Variants in HIVEP2 observed in about 807,000 individuals in gnomAD.
HIVEP2 encodes the protein transcription factor HIVEP2.
In HIVEP2, 14 loss-of-function variants were observed where a neutral mutation model predicts 180.7. The observed-to-expected ratio is 0.08, with a 90% CI of 0.05 to 0.12. The LOEUF is 0.12. Among genes scored for constraint, HIVEP2 ranks in the 10% least tolerant of loss-of-function variants. The probability of loss-of-function intolerance (pLI) is 1.00; values close to 1 mark genes in which losing one functional copy is unlikely to be tolerated. For synonymous variants in HIVEP2, 1,184 were observed against 1,136.4 expected (o/e 1.04, Z -0.84); for missense variants, 2,579 against 3,008.5 (o/e 0.86, Z 3.34).
At chr6:142,761,342 G>T in intron 8 of HIVEP2, 122 bp downstream of exon 8, 2 of 583,094 alleles carry the variant, frequency 3.4e-6, no homozygotes, top group Non-Finnish European at 6.1e-6. Context: ...TCTATATTTA[G>T]TATTTAATAA....
At chr6:142,895,006 C>T (rs933976099) in intron 1 of HIVEP2, among the ~76,000 whole-genome samples, 5 of 152,166 alleles carry the variant, frequency 3.3e-5, no homozygotes, top group African/African-American at 1.2e-4. Flanking sequence ...ATTAAGTAAA[C>T]CAATTTAATT....
intron 1 of HIVEP2, among the ~76,000 whole-genome samples, chr6:142,918,711 G>T (rs182323126): frequency 6.6e-6 from 1 of 152,148 alleles, no homozygotes; most frequent in South Asian, 2.1e-4. Context: ...GAATTAACAT[G>T]TTCATGTAAT....
intron 1 of HIVEP2, among the ~76,000 whole-genome samples, chr6:142,851,255 G>A (rs1051591751): frequency 2.0e-5 from 3 of 152,202 alleles, no homozygotes; most frequent in Admixed American, 6.5e-5. Context: ...TGCTTTCACT[G>A]TGGTAAGACT....
intron 1 of HIVEP2, among the ~76,000 whole-genome samples, chr6:142,869,085 G>C (rs1776219312): frequency 1.3e-5 from 2 of 152,142 alleles, no homozygotes; most frequent in South Asian, 4.1e-4. Context: ...GTCACAACTG[G>C]GGAGAAGGAA....
chr6:142,900,246 A>T (rs922134053), intron 1 of HIVEP2, among the ~76,000 whole-genome samples: 3 of 152,206 alleles, frequency 2.0e-5, no homozygotes, highest in Non-Finnish European at 4.4e-5. Context: ...TCACTTTTGA[A>T]TGAAGAAACT....
intron 1 of HIVEP2, among the ~76,000 whole-genome samples, chr6:142,868,697 A>G (rs1776209082): frequency 6.6e-6 from 1 of 152,226 alleles, no homozygotes; most frequent in Non-Finnish European, 1.5e-5. Flanking sequence ...CCAGATCATT[A>G]TTATAAATTA....
intron 2 of HIVEP2, among the ~76,000 whole-genome samples, chr6:142,784,526 A>G (rs1220489287): frequency 6.6e-6 from 1 of 152,160 alleles, no homozygotes; most frequent in Non-Finnish European, 1.5e-5. Context: ...GACATGAATC[A>G]TTATAAGCAA....
chr6:142,753,874 C>T lies in HIVEP2; in HGVS notation c.6574G>A (p.Gly2192Ser). ...PYFSLYGDQEGAYEHPGSSLF... is the reference protein window; with the variant it reads ...PYFSLYGDQESAYEHPGSSLF... ...CTGGAGCCTGGATGTTCATAAGCAC[C>T]TTCTTGGTCTCCATAGAGACTGAAG... Residue 2192 changes from glycine (G) to serine (S), a missense_variant, in exon 10 of 10, where the codon GGT (glycine) becomes AGT (serine). Physicochemically the swap from Gly to Ser is moderately conservative, Grantham distance 56. Around this residue, in one of 11 missense-constraint regions of HIVEP2, gnomAD observed 660 missense variants for 731.7 expected, o/e 0.90. Coordinates refer to ENST00000367603, the MANE Select transcript of HIVEP2 (RefSeq NM_006734.4). 2 of 1,613,556 alleles carry T rather than the reference C, an allele frequency of 1.2e-6. No individual in the cohort carries two copies. Among genetic ancestry groups the T allele is most frequent in the Non-Finnish European group, 8.5e-7 (1 of 1,179,484 alleles).
At chr6:142,928,934 T>C (rs1192746904) in intron 1 of HIVEP2, among the ~76,000 whole-genome samples, 1 of 152,230 alleles carries the variant, frequency 6.6e-6, no homozygotes, top group Admixed American at 6.5e-5. Flanking sequence ...CTTTATTTAC[T>C]TGGCTTCCCA....
At chr6:142,842,280 T>C (rs192833431) in intron 1 of HIVEP2, among the ~76,000 whole-genome samples, 258 of 152,322 alleles carry the variant, frequency 1.7e-3, no homozygotes, top group Admixed American at 3.2e-3. Flanking sequence ...TAAAATATGT[T>C]AAACCTAAGT....
chr6:142,773,184 A>G lies in HIVEP2; in HGVS notation c.1555T>C (p.Tyr519His), dbSNP rs374040870. ...TTGCTGCCTTGGAAGTTTGCTGGAT[A>G]AAGTTTTCCTTCGTTCCTGATAGAT... ...PSSIRNEGKL[Y>H]PANFQGSNPV... The change falls in exon 5 of 10, where the codon TAT becomes CAT. Residue 519 changes from tyrosine (Y) to histidine (H), a missense_variant. Physicochemically the swap from Tyr to His is moderately conservative, Grantham distance 83 (BLOSUM62 2). Transcript: ENST00000367603. 32 of 1,614,084 alleles carry G rather than the reference A, an allele frequency of 2.0e-5. No individual in the cohort carries two copies. The highest frequency in any genetic ancestry group is 2.7e-5 in the Non-Finnish European group (32 of 1,180,026).
chr6:142,755,804 C>T (rs2114593179), intron 9 of HIVEP2, among the ~76,000 whole-genome samples: 1 of 152,328 alleles, frequency 6.6e-6, no homozygotes, highest in African/African-American at 2.4e-5. Context: ...AACCACAGAG[C>T]TACGTGTACA....
chr6:142,855,033 T>C (rs1775782307), intron 1 of HIVEP2, among the ~76,000 whole-genome samples: 1 of 152,218 alleles, frequency 6.6e-6, no homozygotes, highest in African/African-American at 2.4e-5. Flanking sequence ...CATCTGCAAC[T>C]TCACTTTCAG....
rs1034151008 is a variant in HIVEP2 at position 142,783,532 on chromosome 6, A to C, written c.-444T>G. On this transcript the variant is annotated 5_prime_UTR_variant, in exon 3 of 10. An upstream start codon of the reference 5' UTR is lost. Coordinates refer to ENST00000367603, the MANE Select transcript of HIVEP2 (RefSeq NM_006734.4). ...TTTTAGTTATTAACCTGTTATCCTC[A>C]TATCAAAAAACTGCATCACAACCGT... 6.6e-6 allele frequency: 1 copy of C among 152,136 alleles called. No individual in the cohort carries two copies. The highest frequency in any genetic ancestry group is 1.5e-5 in the Non-Finnish European group (1 of 68,020). The allele number at this position is 152,136 out of a possible 1,614,324, so 9.4% of individuals were successfully genotyped here. A position where few individuals can be genotyped will look rare whatever the true frequency, so the allele number is the denominator to read the frequency against.
At position 142,887,944 on chromosome 6, in the gene HIVEP2, C is replaced by T. The variant is rs1776748443; in HGVS notation, c.-640-50897G>A. 4.5e-5 allele frequency among the ~76,000 whole-genome samples: 6 copies of T among 134,778 alleles called. No individual in the cohort carries two copies. The South Asian group carries it at 1.4e-3, about 32-fold the overall frequency. 88.4% of individuals were successfully genotyped at this position (134,778 alleles called of 152,430 possible). A position where few individuals can be genotyped will look rare whatever the true frequency, so the allele number is the denominator to read the frequency against. On this transcript the variant is annotated intron_variant, in intron 1 of 9. Coordinates refer to ENST00000367603, the MANE Select transcript of HIVEP2 (RefSeq NM_006734.4). ...AACTGGGGGGAAGGGGAGGATATAG[C>T]AAAGGGCGATGCAGCAAAAAAAAAA...
chr6:142,753,283 A>G lies in HIVEP2; in HGVS notation c.7165T>C (p.Leu2389=). Residue 2389 remains leucine (L), a synonymous_variant, in exon 10 of 10, where the codon TTG becomes CTG. Coordinates refer to ENST00000367603, the MANE Select transcript of HIVEP2 (RefSeq NM_006734.4). ...AAATTGTCCTTTTCACCATCATGCA[A>G]GTCAGGGTGGGTGGCTGAGGTACAG... ...QPCTSATHPD[L]HDGEKDNFGT... 6.2e-7 allele frequency: 1 copy of G among 1,614,138 alleles called. No individual in the cohort carries two copies. Among genetic ancestry groups the G allele is most frequent in the Non-Finnish European group, 8.5e-7 (1 of 1,180,014 alleles).
intron 1 of HIVEP2, among the ~76,000 whole-genome samples, chr6:142,927,097 C>T (rs1480484776): frequency 2.0e-5 from 3 of 151,892 alleles, no homozygotes; most frequent in Non-Finnish European, 4.4e-5. Context: ...GCGCTGCTAC[C>T]GGAGGCCAGC....
Position 142,759,808 on chromosome 6 carries a change from C to T in HIVEP2, c.6480G>A (p.Gln2160=). The T allele has an allele frequency of 6.2e-7, 1 of 1,609,526 alleles. No homozygotes were observed. The highest frequency in any genetic ancestry group is 1.1e-5 in the South Asian group (1 of 90,034). Residue 2160 remains glutamine, a synonymous_variant, in exon 9 of 10, where the codon CAG becomes CAA. Transcript: ENST00000367603. ...LYHNPPLSMG[Q]YLQAEPIVLG... ...ATACAATTGGCTCTGCTTGCAAATA[C>T]TGTCCCATGGACAATGGTGGGTTAT...
chr6:142,786,446 A>G (rs1337058687), intron 2 of HIVEP2, among the ~76,000 whole-genome samples: 1 of 152,208 alleles, frequency 6.6e-6, no homozygotes, highest in Non-Finnish European at 1.5e-5. Context: ...TCACTTCACC[A>G]CATACAAGAT....
Sources: gnomAD v4.1 joint callset for allele counts (sites outside exome capture counted in the v4.1 genomes callset) on GRCh38, gnomAD v4.1.1 for gene constraint, gnomAD v4.1.1 regional missense constraint, MANE v1.5 for transcripts, NCBI Gene and HGNC (gene_info 2026-07-23, HGNC 2026-07-21) for gene names.